The following APBA1 variants were observed in gnomAD, a reference collection of about 807,000 sequenced individuals.
APBA1 encodes amyloid-beta A4 precursor protein-binding family A member 1.
APBA1 carries 55 observed loss-of-function variants against 86.6 expected under a neutral mutation model. That is an observed-to-expected ratio of 0.64 (90% CI 0.51 to 0.80). The LOEUF is 0.80. Among genes scored for constraint, APBA1 ranks in the 30% least tolerant of loss-of-function variants. APBA1 has a pLI of 0.00. For synonymous variants in APBA1, 511 were observed against 493.9 expected (o/e 1.03, Z -0.46); for missense variants, 1,090 against 1,183.0 (o/e 0.92, Z 1.15).
chr9:69,505,087 C>T (rs558437556), intron 2 of APBA1, among the ~76,000 whole-genome samples: 29 of 152,172 alleles, frequency 1.9e-4, no homozygotes, highest in African/African-American at 6.7e-4. Context: ...GTGTGTTAGT[C>T]AGGATGGACC....
At chr9:69,523,522 T>TAC (rs1258759549) in intron 1 of APBA1, among the ~76,000 whole-genome samples, 21 of 37,768 alleles carry the variant, frequency 5.6e-4, no homozygotes, top group Admixed American at 2.5e-3. Context: ...TATATATATA[T>TAC]ATATATATAT....
Position 69,644,530 on chromosome 9 carries a change from C to A in APBA1, c.-70+27623G>T, listed in dbSNP as rs535596550. Reference sequence around the variant, plus strand: ...TGGCAGCTCCATGAATGGCTTTCCCCATTCAAAAAACCTAAATGCTCTCAT... The same window carrying A: ...TGGCAGCTCCATGAATGGCTTTCCCAATTCAAAAAACCTAAATGCTCTCAT... On this transcript the variant is annotated intron_variant, in intron 1 of 12. Transcript: ENST00000265381. 7.9e-5 allele frequency among the ~76,000 whole-genome samples: 12 copies of A among 152,316 alleles called. No homozygotes were observed. The South Asian group carries it at 2.5e-3, about 32-fold the overall frequency.
chr9:69,667,826 C>G lies in APBA1; in HGVS notation c.-70+4327G>C, dbSNP rs554365757. ...ACTGCTTTCCATTTCCCTTCCCCCACGCCTCCCTTCAACCCTTGCCCCTGG... is the reference window on the plus strand; with the variant it reads ...ACTGCTTTCCATTTCCCTTCCCCCAGGCCTCCCTTCAACCCTTGCCCCTGG... On this transcript the variant is annotated intron_variant, in intron 1 of 12. Coordinates refer to ENST00000265381, the MANE Select transcript of APBA1 (RefSeq NM_001163.4). 3.9e-4 allele frequency among the ~76,000 whole-genome samples: 59 copies of G among 152,120 alleles called. No homozygotes were observed. In the South Asian group the frequency reaches 7.5e-3, roughly 19 times the overall value.
intron 2 of APBA1, among the ~76,000 whole-genome samples, chr9:69,496,007 C>A (rs1476635517): frequency 6.6e-6 from 1 of 152,048 alleles, no homozygotes; most frequent in East Asian, 1.9e-4. Context: ...GCCTCCAGGG[C>A]CAATACGGTT....
intron 1 of APBA1, among the ~76,000 whole-genome samples, chr9:69,651,185 C>G (rs1051371614): frequency 2.9e-4 from 44 of 152,286 alleles, no homozygotes; most frequent in African/African-American, 1.1e-3. Flanking sequence ...ATATGGTTCT[C>G]TTTATATGAA....
chr9:69,581,413 C>T (rs1257717447), intron 1 of APBA1, among the ~76,000 whole-genome samples: 1 of 152,064 alleles, frequency 6.6e-6, no homozygotes, highest in East Asian at 1.9e-4. Context: ...GTTCTGCCTC[C>T]TTTGGAAAAG....
chr9:69,471,315 T>G (rs1835362798), intron 4 of APBA1, among the ~76,000 whole-genome samples: 1 of 152,238 alleles, frequency 6.6e-6, no homozygotes, highest in South Asian at 2.1e-4. Context: ...CTTGAATTTT[T>G]CTTTTTGAAT....
chr9:69,637,832 T>C (rs1470761463), intron 1 of APBA1, among the ~76,000 whole-genome samples: 1 of 152,238 alleles, frequency 6.6e-6, no homozygotes, highest in Non-Finnish European at 1.5e-5. Flanking sequence ...ATAGGAAAGC[T>C]GGATCATGCC....
chr9:69,628,054 C>G (rs1342889288), intron 1 of APBA1, among the ~76,000 whole-genome samples: 2 of 152,154 alleles, frequency 1.3e-5, no homozygotes, highest in Non-Finnish European at 2.9e-5. Flanking sequence ...ACCCCCATAA[C>G]TACCATATAA....
intron 1 of APBA1, among the ~76,000 whole-genome samples, chr9:69,623,787 T>G (rs979736022): frequency 1.3e-5 from 2 of 152,186 alleles, no homozygotes; most frequent in African/African-American, 4.8e-5. Flanking sequence ...AGAACACAGT[T>G]GACACTCTTG....
Position 69,496,631 on chromosome 9 carries a change from G to T in APBA1, c.1200+19380C>A, listed in dbSNP as rs775427491. Among the ~76,000 whole-genome samples the T allele has an allele frequency of 8.5e-5, 13 of 152,206 alleles. No individual in the cohort carries two copies. The South Asian group carries it at 1.7e-3, about 19-fold the overall frequency. On this transcript the variant is annotated intron_variant, in intron 2 of 12. Transcript: ENST00000265381. ...GAATCAGTGGGATGCAAGTCCCATA[G>T]CTGCTAGCCACCATTCTAGAAAGCC...
chr9:69,501,541 C>A, intron 2 of APBA1, among the ~76,000 whole-genome samples: 1 of 151,572 alleles, frequency 6.6e-6, no homozygotes, highest in African/African-American at 2.4e-5. Flanking sequence ...GTGGCTCATG[C>A]CTGTAATATG....
At chr9:69,521,850 C>T (rs1050109546) in intron 1 of APBA1, among the ~76,000 whole-genome samples, 6 of 151,580 alleles carry the variant, frequency 4.0e-5, no homozygotes, top group African/African-American at 1.5e-4. Flanking sequence ...GTGTGATGGG[C>T]GATGAGGACA....
intron 1 of APBA1, among the ~76,000 whole-genome samples, chr9:69,580,998 T>A (rs1471855212): frequency 6.6e-6 from 1 of 152,174 alleles, no homozygotes; most frequent in Non-Finnish European, 1.5e-5. Context: ...ATATCTTATA[T>A]CATTTATAGC....
chr9:69,619,533 G>A (rs1291911366), intron 1 of APBA1, among the ~76,000 whole-genome samples: 1 of 152,170 alleles, frequency 6.6e-6, no homozygotes, highest in Non-Finnish European at 1.5e-5. Flanking sequence ...AAAGTATGCA[G>A]ATGGGCTCTG....
chr9:69,565,816 G>GC (rs1303315743), intron 1 of APBA1, among the ~76,000 whole-genome samples: 1 of 152,166 alleles, frequency 6.6e-6, no homozygotes, highest in Non-Finnish European at 1.5e-5. Context: ...CCCTGTCTTT[G>GC]CTTTTTTCTC....
intron 1 of APBA1, among the ~76,000 whole-genome samples, chr9:69,636,950 A>AGAAG (rs1823187920): frequency 2.0e-5 from 3 of 149,930 alleles, no homozygotes; most frequent in African/African-American, 7.4e-5. Flanking sequence ...AAAGAAAGAA[A>AGAAG]GAAAGAAAGA....
chr9:69,548,504 C>A lies in APBA1; in HGVS notation c.-69-31225G>T, dbSNP rs183866503. 3.3e-5 allele frequency among the ~76,000 whole-genome samples: 5 copies of A among 152,288 alleles called. 1 individual carries two copies. Among genetic ancestry groups the A allele is most frequent in the Admixed American group, 2.6e-4 (4 of 15,296 alleles). On this transcript the variant is annotated intron_variant, in intron 1 of 12. Transcript: ENST00000265381. Reference sequence around the variant, plus strand: ...GGTTGGCAGAGGCTGCAAGCTCTTCCGAAATATTCTTCATAGCTTTAAGCA... The same window carrying A: ...GGTTGGCAGAGGCTGCAAGCTCTTCAGAAATATTCTTCATAGCTTTAAGCA...
chr9:69,445,789 G>T (rs1375407176), intron 10 of APBA1, among the ~76,000 whole-genome samples: 2 of 152,120 alleles, frequency 1.3e-5, no homozygotes, highest in South Asian at 2.1e-4. Context: ...AACCTGGGGG[G>T]ACAATAGTCA....
Sources: allele counts gnomAD v4.1 joint callset (sites outside exome capture counted in the v4.1 genomes callset), GRCh38; gene constraint gnomAD v4.1.1; transcripts MANE v1.5; gene names NCBI Gene and HGNC (gene_info 2026-07-23, HGNC 2026-07-21).